ROBO1: variants seen among roughly 807,000 people sequenced by gnomAD.
ROBO1 encodes the protein roundabout homolog 1.
In ROBO1, 149 loss-of-function variants were observed where a neutral mutation model predicts 195.9. The observed-to-expected ratio is 0.76, with a 90% CI of 0.67 to 0.87. The LOEUF (loss-of-function observed/expected upper bound fraction) is 0.87, where lower values mean the gene tolerates loss of function less well. ROBO1 is among the 40% of genes least tolerant of loss of function. The probability of loss-of-function intolerance (pLI) is 0.00; values close to 1 mark genes in which losing one functional copy is unlikely to be tolerated. For synonymous variants in ROBO1, 816 were observed against 733.2 expected (o/e 1.11, Z -1.82); for missense variants, 1,933 against 2,068.3 (o/e 0.93, Z 1.27).
rs147654797 is a variant in ROBO1 at position 79,051,082 on chromosome 3, G to T, written c.172+74374C>A. Among the ~76,000 whole-genome samples the T allele has an allele frequency of 4.6e-5, 7 of 152,072 alleles. 1 individual carries two copies. In the East Asian group the frequency reaches 1.4e-3, roughly 29 times the overall value. ...TCAGAGCAGAACTGAAGGAGATAGA[G>T]ACACAAAAAACCCTTCAAAAAATCA... On this transcript the variant is annotated intron_variant, in intron 3 of 30. Transcript: ENST00000464233.
chr3:78,913,249 T>C (rs937835489), intron 4 of ROBO1, among the ~76,000 whole-genome samples: 1 of 152,076 alleles, frequency 6.6e-6, no homozygotes, highest in Non-Finnish European at 1.5e-5. Flanking sequence ...AGAATATGGA[T>C]GATGAGATAG....
chr3:78,674,732 G>A (rs910503142), intron 10 of ROBO1, among the ~76,000 whole-genome samples: 2 of 152,116 alleles, frequency 1.3e-5, no homozygotes, highest in South Asian at 2.1e-4. Flanking sequence ...TTGTGATAAC[G>A]TCATGTCAGT....
intron 3 of ROBO1, among the ~76,000 whole-genome samples, chr3:79,076,263 CTA>C (rs1306177538): frequency 1.2e-4 from 18 of 146,196 alleles, no homozygotes; most frequent in South Asian, 4.3e-4. Flanking sequence ...TATATATAAA[CTA>C]TATATATAAA....
intron 4 of ROBO1, among the ~76,000 whole-genome samples, chr3:78,842,144 T>G (rs1354032765): frequency 6.9e-6 from 1 of 145,644 alleles, no homozygotes; most frequent in Non-Finnish European, 1.5e-5. Context: ...AATTTGTTTT[T>G]TTTTTTTTTT....
intron 1 of ROBO1, among the ~76,000 whole-genome samples, chr3:79,617,221 C>T (rs1226229944): frequency 3.3e-5 from 5 of 152,110 alleles, no homozygotes; most frequent in Non-Finnish European, 7.3e-5. Context: ...TTCTGGTCAT[C>T]TTCAGGGTGT....
In ROBO1 at chr3:79,653,263, A is replaced by G. The variant is rs570488866; in HGVS notation, c.-50-63302T>C. Among the ~76,000 whole-genome samples the G allele has an allele frequency of 2.9e-3, 448 of 151,956 alleles. 2 individuals carry two copies. The highest frequency in any genetic ancestry group is 9.1e-3 in the African/African-American group (376 of 41,526). ...AAATGAGAAATTCATTTAATGACAA[A>G]TAATTTTTAATTAAAATATTTTCTT... On this transcript the variant is annotated intron_variant, in intron 1 of 30. Transcript: ENST00000464233.
chr3:79,560,574 T>TA (rs1279997034), intron 2 of ROBO1, among the ~76,000 whole-genome samples: 80 of 134,950 alleles, frequency 5.9e-4, no homozygotes, highest in African/African-American at 2.0e-3. Flanking sequence ...TACACATACA[T>TA]AAAAAAAAAT....
At chr3:79,054,237 G>C (rs938240890) in intron 3 of ROBO1, among the ~76,000 whole-genome samples, 79 of 152,074 alleles carry the variant, frequency 5.2e-4, no homozygotes, top group African/African-American at 1.8e-3. Context: ...AGTAACAAAG[G>C]TGTGTATGAG....
chr3:79,007,758 G>C lies in ROBO1; in HGVS notation c.173-68831C>G, dbSNP rs576549016. Among the ~76,000 whole-genome samples the C allele has an allele frequency of 1.7e-4, 26 of 152,142 alleles. No homozygotes were observed. The East Asian group carries it at 4.6e-3, about 27-fold the overall frequency. Reference sequence around the variant, plus strand: ...AATTAACAACTGCATTATTTTTTATGGTCTAAATATAAGCTCACTCAGAGA... The same window carrying C: ...AATTAACAACTGCATTATTTTTTATCGTCTAAATATAAGCTCACTCAGAGA... On this transcript the variant is annotated intron_variant, in intron 3 of 30. Coordinates refer to ENST00000464233, the MANE Select transcript of ROBO1 (RefSeq NM_002941.4).
chr3:79,217,687 A>G (rs2082078159), intron 2 of ROBO1, among the ~76,000 whole-genome samples: 1 of 152,026 alleles, frequency 6.6e-6, no homozygotes, highest in South Asian at 2.1e-4. Context: ...ACATAAGTAT[A>G]TAAAAAACAT....
chr3:79,467,460 C>T (rs550741043), intron 2 of ROBO1, among the ~76,000 whole-genome samples: 1 of 151,050 alleles, frequency 6.6e-6, no homozygotes. Flanking sequence ...CCAGGCTCCA[C>T]GAGCAGACAA....
At chr3:78,895,568 C>T (rs925106511) in intron 4 of ROBO1, among the ~76,000 whole-genome samples, 1 of 152,108 alleles carries the variant, frequency 6.6e-6, no homozygotes, top group Non-Finnish European at 1.5e-5. Context: ...ATTAAATATC[C>T]TCTTATTTAA....
intron 2 of ROBO1, among the ~76,000 whole-genome samples, chr3:79,369,617 T>G (rs1489534347): frequency 1.3e-5 from 2 of 152,186 alleles, no homozygotes; most frequent in African/African-American, 4.8e-5. Flanking sequence ...TAGATTTTGC[T>G]GGACCAACAT....
intron 2 of ROBO1, among the ~76,000 whole-genome samples, chr3:79,527,117 T>A (rs1402149727): frequency 2.6e-5 from 4 of 152,178 alleles, no homozygotes; most frequent in Non-Finnish European, 5.9e-5. Flanking sequence ...GATATTATGT[T>A]ATTTAATTTT....
Position 78,809,162 on chromosome 3 carries a change from A to G in ROBO1, c.500-62262T>C, listed in dbSNP as rs527506147. Among the ~76,000 whole-genome samples the G allele has an allele frequency of 1.1e-3, 164 of 151,732 alleles. 1 individual carries two copies. The highest frequency in any genetic ancestry group is 3.6e-3 in the African/African-American group (150 of 41,436). On this transcript the variant is annotated intron_variant, in intron 4 of 30. Transcript: ENST00000464233. ...TAAACAAATTTACAAGAAAAAAAAA[A>G]CATCAAAAAGTGGGCAAAGGATATA...
intron 29 of ROBO1, among the ~76,000 whole-genome samples, chr3:78,605,946 T>C (rs552153948): frequency 4.5e-4 from 69 of 152,342 alleles, no homozygotes; most frequent in Admixed American, 7.8e-4. Flanking sequence ...CCTGTTCTTC[T>C]GAGCTATTTT....
chr3:78,607,779 T>A (rs1703553291), intron 28 of ROBO1, among the ~76,000 whole-genome samples: 1 of 152,164 alleles, frequency 6.6e-6, no homozygotes, highest in African/African-American at 2.4e-5. Flanking sequence ...TAATCTAGCC[T>A]AAATCTCTTC....
chr3:79,299,846 TA>T (rs201006013), intron 2 of ROBO1, among the ~76,000 whole-genome samples: 206 of 131,652 alleles, frequency 1.6e-3, no homozygotes, highest in Admixed American at 2.2e-3. Context: ...CAAGAAACAC[TA>T]AAAAAAAAAA....
In ROBO1 at chr3:79,349,054, G is replaced by T. The variant is rs546478151; in HGVS notation, c.89-223515C>A. 1.6e-4 allele frequency among the ~76,000 whole-genome samples: 25 copies of T among 152,244 alleles called. 1 individual carries two copies. Among genetic ancestry groups the T allele is most frequent in the African/African-American group, 4.3e-4 (18 of 41,552 alleles). On this transcript the variant is annotated intron_variant, in intron 2 of 30. Transcript: ENST00000464233. ...TCTCTGTTTGTATCTTGTTCATAGG[G>T]TTTTGTACTGTGAGGATGCTAGAGA...
Sources: allele counts gnomAD v4.1 joint callset (sites outside exome capture counted in the v4.1 genomes callset), GRCh38; gene constraint gnomAD v4.1.1; transcripts MANE v1.5; gene names NCBI Gene and HGNC (gene_info 2026-07-23, HGNC 2026-07-21).